The following RAB5B variants were observed in gnomAD, a reference collection of about 807,000 sequenced individuals.
The protein encoded by RAB5B is ras-related protein Rab-5B.
RAB5B carries 11 observed loss-of-function variants against 28.6 expected under a neutral mutation model. The ratio of observed to expected loss-of-function variants is 0.38; its 90% CI spans 0.24 to 0.64. The LOEUF is 0.64. RAB5B is among the 30% of genes least tolerant of loss of function. The pLI, the probability that RAB5B is intolerant of heterozygous loss-of-function variation, is 0.53. For synonymous variants in RAB5B, 93 were observed against 97.9 expected, an observed-to-expected ratio of 0.95 and a Z score of 0.29; for missense variants, 169 against 265.6, an observed-to-expected ratio of 0.64 and a Z score of 2.53.
chr12:55,976,592 A>G (rs910131892), intron 1 of RAB5B, among the ~76,000 whole-genome samples: 2 of 152,210 alleles, frequency 1.3e-5, no homozygotes, highest in Non-Finnish European at 2.9e-5. Flanking sequence ...GCATGTTCAC[A>G]TTACTTGACT....
At position 55,994,178 on chromosome 12, in the gene RAB5B, AAC is replaced by A. The variant is rs1890218232; in HGVS notation, c.*1974_*1975del. 1 of 152,540 alleles carries A rather than the reference AAC, an allele frequency of 6.6e-6. No individual in the cohort carries two copies. The highest frequency in any genetic ancestry group is 6.6e-5 in the Admixed American group (1 of 15,264). 9.4% of individuals were successfully genotyped at this position (152,540 alleles called of 1,614,324 possible). On this transcript the variant is annotated 3_prime_UTR_variant, in exon 6 of 6. Transcript: ENST00000360299. ...GCAGCCTTAGTTCCCATGGCCCTGAAACACACACATTTCCCCCTTCCTTTCCC... is the reference window on the plus strand; with the variant it reads ...GCAGCCTTAGTTCCCATGGCCCTGAAACACACATTTCCCCCTTCCTTTCCC...
At position 55,990,765 on chromosome 12, in the gene RAB5B, C is replaced by A; in HGVS notation, c.399C>A (p.Asn133Lys). Residue 133 changes from asparagine (N) to lysine (K), a missense_variant, in exon 4 of 6, where the codon AAC becomes AAA. Asn to Lys is a moderately conservative substitution (Grantham distance 94). Transcript: ENST00000360299. ...SPSIVIALAG[N>K]KADLANKRMV... is the part of the protein sequence containing the mutation. ...GCATCGTTATTGCCCTGGCAGGGAACAAAGCTGACCTGGCCAACAAACGTA... is the reference window on the plus strand; with the variant it reads ...GCATCGTTATTGCCCTGGCAGGGAAAAAAGCTGACCTGGCCAACAAACGTA... The A allele has an allele frequency of 6.2e-7, 1 of 1,614,112 alleles. No individual in the cohort carries two copies. Among genetic ancestry groups the A allele is most frequent in the Non-Finnish European group, 8.5e-7 (1 of 1,179,980 alleles).
chr12:55,984,014 GC>G (rs1320686597), intron 1 of RAB5B, among the ~76,000 whole-genome samples: 1 of 150,404 alleles, frequency 6.6e-6, no homozygotes, highest in Admixed American at 6.6e-5. Context: ...CTTCTTCCCT[GC>G]CCCCGATCTC....
At chr12:55,987,485 T>G (rs1889985477) in intron 2 of RAB5B, among the ~76,000 whole-genome samples, 1 of 151,824 alleles carries the variant, frequency 6.6e-6, no homozygotes, top group African/African-American at 2.4e-5. Context: ...TGAAAAGAGA[T>G]ATAAGACCTG....
chr12:55,988,126 G>A (rs775365176), intron 2 of RAB5B, among the ~76,000 whole-genome samples: 2 of 152,090 alleles, frequency 1.3e-5, no homozygotes, highest in South Asian at 4.2e-4. Flanking sequence ...TCCAGCCTGG[G>A]TGACTAGAGT....
chr12:55,995,972 C>CATATATATAT lies in RAB5B; in HGVS notation c.*3762_*3771dup, dbSNP rs34061457. ...CTCTCTCTCTCACTCTCTCTCTCTC[C>CATATATATAT]ATATATATATACATATATATATATA... On this transcript the variant is annotated 3_prime_UTR_variant, in exon 6 of 6. Transcript: ENST00000360299. 16 of 108,868 alleles carry CATATATATAT rather than the reference C, an allele frequency of 1.5e-4. No homozygotes were observed. Among genetic ancestry groups the CATATATATAT allele is most frequent in the African/African-American group, 3.2e-4 (8 of 25,118 alleles). The allele number at this position is 108,868 out of a possible 1,614,324, so 6.7% of individuals were successfully genotyped here. A position where few individuals can be genotyped will look rare whatever the true frequency, so the allele number is the denominator to read the frequency against.
At chr12:55,991,524 A>G in intron 5 of RAB5B, 71 bp downstream of exon 5, 1 of 1,309,834 alleles carries the variant, frequency 7.6e-7, no homozygotes, top group Non-Finnish European at 1.1e-6. Flanking sequence ...AACCCAAATC[A>G]AGGATAGGTG....
In RAB5B at chr12:55,991,348, C is replaced by G. The variant is rs1178832953; in HGVS notation, c.439-12C>G. ...CTACATTCTGAGCACTAATACATCC[C>G]ACTCCTTGCAGGAGGCCCAGGCATA... On this transcript the variant is annotated splice_polypyrimidine_tract_variant and intron_variant, in intron 4 of 5. Coordinates refer to ENST00000360299, the MANE Select transcript of RAB5B (RefSeq NM_002868.4). 1 of 1,603,274 alleles carries G rather than the reference C, an allele frequency of 6.2e-7. No individual in the cohort carries two copies. Among genetic ancestry groups the G allele is most frequent in the South Asian group, 1.1e-5 (1 of 90,856 alleles).
chr12:55,996,316 G>A lies in RAB5B; in HGVS notation c.*4104G>A, dbSNP rs1349713830. The A allele has an allele frequency of 1.3e-5, 2 of 152,138 alleles. No individual in the cohort carries two copies. The highest frequency in any genetic ancestry group is 1.9e-4 in the East Asian group (1 of 5,200). The allele number at this position is 152,138 out of a possible 1,614,324, so 9.4% of individuals were successfully genotyped here. ...TCCGGCCTCTAGAGGGCAGTGTATGGATACATTTGTCCAGATTGGGGGACT... is the reference window on the plus strand; with the variant it reads ...TCCGGCCTCTAGAGGGCAGTGTATGAATACATTTGTCCAGATTGGGGGACT... On this transcript the variant is annotated 3_prime_UTR_variant, in exon 6 of 6. Transcript: ENST00000360299.
chr12:55,980,641 C>T (rs1032305130), intron 1 of RAB5B: 28 of 1,597,660 alleles, frequency 1.8e-5, no homozygotes, highest in Non-Finnish European at 2.3e-5. Flanking sequence ...GCTCCTTCTG[C>T]ACCTTCCTCT....
In RAB5B at chr12:55,992,537, T is replaced by G. The variant is rs1890165964; in HGVS notation, c.*325T>G. Reference sequence around the variant, plus strand: ...TATCTTTTCTCCTCCTCCCTAGTGTTCCTCCCCATTTTTTCAGAAAACACT... The same window carrying G: ...TATCTTTTCTCCTCCTCCCTAGTGTGCCTCCCCATTTTTTCAGAAAACACT... On this transcript the variant is annotated 3_prime_UTR_variant, in exon 6 of 6. Coordinates refer to ENST00000360299, the MANE Select transcript of RAB5B (RefSeq NM_002868.4). 1 of 500,312 alleles carries G rather than the reference T, an allele frequency of 2.0e-6. No individual in the cohort carries two copies. The highest frequency in any genetic ancestry group is 3.9e-6 in the Non-Finnish European group (1 of 255,886). The allele number at this position is 500,312 out of a possible 1,614,324, so 31.0% of individuals were successfully genotyped here.
intron 1 of RAB5B, among the ~76,000 whole-genome samples, chr12:55,975,117 C>T (rs1424528178): frequency 2.0e-5 from 3 of 152,176 alleles, no homozygotes; most frequent in Middle Eastern, 3.4e-3. Context: ...TAGCAAATAC[C>T]ATGTCTCCTA....
At chr12:55,983,496 T>C (rs1889865242) in intron 1 of RAB5B, among the ~76,000 whole-genome samples, 1 of 152,226 alleles carries the variant, frequency 6.6e-6, no homozygotes, top group Non-Finnish European at 1.5e-5. Context: ...CATGTATATC[T>C]GAATTTTTAA....
At chr12:55,982,102 G>C (rs1453296554) in intron 1 of RAB5B, among the ~76,000 whole-genome samples, 1 of 151,980 alleles carries the variant, frequency 6.6e-6, no homozygotes, top group Non-Finnish European at 1.5e-5. Flanking sequence ...GCACCCGGCA[G>C]AGCTGCACTT....
chr12:55,976,745 G>C (rs1347555479), intron 1 of RAB5B, among the ~76,000 whole-genome samples: 2 of 152,174 alleles, frequency 1.3e-5, no homozygotes, highest in Admixed American at 1.3e-4. Context: ...GTAGGGATCT[G>C]AGAAGCTCCA....
rs1890282764 is a variant in RAB5B at position 55,995,984 on chromosome 12, C to CT, written c.*3772_*3773insT. On this transcript the variant is annotated 3_prime_UTR_variant, in exon 6 of 6. Transcript: ENST00000360299. ...CTCTCTCTCTCTCCATATATATATA[C>CT]ATATATATATATATATATATTTTTT... 1.0e-5 allele frequency: 1 copy of CT among 100,224 alleles called. No individual in the cohort carries two copies. The highest frequency in any genetic ancestry group is 1.0e-4 in the Admixed American group (1 of 9,758). The allele number at this position is 100,224 out of a possible 1,614,324, so 6.2% of individuals were successfully genotyped here.
In RAB5B at chr12:55,990,224, A is replaced by G. The variant is rs1890069654; in HGVS notation, c.315+126A>G. On this transcript the variant is annotated intron_variant, in intron 3 of 5. Transcript: ENST00000360299. ...AGAGATTGAGACCATCCTGGCCAAC[A>G]TGGTGAAACCCCGTCTCTACTAAAA... is the stretch of plus-strand genomic sequence containing the variant. 6 of 1,074,666 alleles carry G rather than the reference A, an allele frequency of 5.6e-6. No individual in the cohort carries two copies. The African/African-American group carries it at 6.4e-5, about 11-fold the overall frequency. The allele number at this position is 1,074,666 out of a possible 1,614,324, so 66.6% of individuals were successfully genotyped here.
At chr12:55,979,685 G>A (rs572218067) in intron 1 of RAB5B, among the ~76,000 whole-genome samples, 2 of 152,304 alleles carry the variant, frequency 1.3e-5, no homozygotes, top group East Asian at 3.9e-4. Flanking sequence ...ATATGGGACT[G>A]CATCCCAGTT....
At position 55,990,589 on chromosome 12, in the gene RAB5B, C is replaced by T. The variant is rs147187060; in HGVS notation, c.316-93C>T. 75 of 1,515,682 alleles carry T rather than the reference C, an allele frequency of 4.9e-5. No homozygotes were observed. In the African/African-American group the frequency reaches 8.7e-4, roughly 18 times the overall value. The allele number at this position is 1,515,682 out of a possible 1,614,324, so 93.9% of individuals were successfully genotyped here. ...TGTGGTTTCACTGAGGGAAGACCACCTAGAAGAGGTGAATTTTGAGACTCA... is the reference window on the plus strand; with the variant it reads ...TGTGGTTTCACTGAGGGAAGACCACTTAGAAGAGGTGAATTTTGAGACTCA... On this transcript the variant is annotated intron_variant, in intron 3 of 5. Coordinates refer to ENST00000360299, the MANE Select transcript of RAB5B (RefSeq NM_002868.4).
Sources: gnomAD v4.1 joint callset for allele counts (sites outside exome capture counted in the v4.1 genomes callset) on GRCh38, gnomAD v4.1.1 for gene constraint, MANE v1.5 for transcripts, NCBI Gene and HGNC (gene_info 2026-07-23, HGNC 2026-07-21) for gene names.